CXCL12: variants seen among roughly 807,000 people sequenced by gnomAD.
CXCL12 encodes C-X-C motif chemokine ligand 12.
Under a neutral mutation model 10.7 loss-of-function variants are expected in CXCL12, and 4 were observed. The observed-to-expected ratio is 0.37, with a 90% CI of 0.18 to 0.86. The LOEUF (loss-of-function observed/expected upper bound fraction) is 0.86, where lower values mean the gene tolerates loss of function less well. CXCL12 is among the 40% of genes least tolerant of loss of function. The pLI is 0.43. For synonymous variants in CXCL12, 54 were observed against 45.4 expected (o/e 1.19, Z -0.77); for missense variants, 122 against 110.4 (o/e 1.10, Z -0.47).
Position 44,377,998 on chromosome 10 carries a change from C to T in CXCL12, c.*635G>A. 6.6e-7 allele frequency: 1 copy of T among 1,507,412 alleles called. No individual in the cohort carries two copies. Among genetic ancestry groups the T allele is most frequent in the African/African-American group, 1.4e-5 (1 of 71,052 alleles). 93.4% of individuals were successfully genotyped at this position (1,507,412 alleles called of 1,614,324 possible). Reference sequence around the variant, plus strand: ...TGGGAGAGGGGTCTCTGAGCACAGTCCCAGTAATAGTGGCTTCTACATGGA... The same window carrying T: ...TGGGAGAGGGGTCTCTGAGCACAGTTCCAGTAATAGTGGCTTCTACATGGA... On this transcript the variant is annotated 3_prime_UTR_variant, in exon 3 of 3. Transcript: ENST00000343575.
At chr10:44,375,921 T>A (rs1195744023), downstream of CXCL12, 3 of 1,611,182 alleles carry the variant, frequency 1.9e-6, no homozygotes, top group Non-Finnish European at 2.5e-6. Context: ...CTGTGGTCCA[T>A]CTCGAGGTGG....
chr10:44,384,925 TC>T lies in CXCL12; in HGVS notation c.61+19del. 1 of 1,318,304 alleles carries T rather than the reference TC, an allele frequency of 7.6e-7. No individual in the cohort carries two copies. The highest frequency in any genetic ancestry group is 2.2e-5 in the Admixed American group (1 of 44,576). The allele number at this position is 1,318,304 out of a possible 1,614,324, so 81.7% of individuals were successfully genotyped here. On this transcript the variant is annotated intron_variant, in intron 1 of 2. Coordinates refer to ENST00000343575, the MANE Select transcript of CXCL12 (RefSeq NM_199168.4). The stretch of plus-strand genomic sequence containing the variant: ...CGAAGCCCAGAGCCTCGCCAGGGCC[TC>T]CCCGCCGAGCGCACTTACCGTCGCT...
intron 1 of CXCL12, among the ~76,000 whole-genome samples, chr10:44,381,406 C>T (rs920101848): frequency 2.0e-5 from 3 of 152,144 alleles, no homozygotes; most frequent in Non-Finnish European, 4.4e-5. Context: ...AGAGACCCCT[C>T]CTCACATTCA....
At chr10:44,372,892 G>A (rs1413585285), downstream of CXCL12, 1 of 1,535,540 alleles carries the variant, frequency 6.5e-7, no homozygotes, top group African/African-American at 1.4e-5. Context: ...CCTTCACTAG[G>A]CTTTGCCCAG....
Position 44,378,165 on chromosome 10 carries a change from A to T in CXCL12, c.*468T>A, listed in dbSNP as rs1839515261. On this transcript the variant is annotated 3_prime_UTR_variant, in exon 3 of 3. Coordinates refer to ENST00000343575, the MANE Select transcript of CXCL12 (RefSeq NM_199168.4). The stretch of plus-strand genomic sequence containing the variant: ...GAGCCTCAGTGTCTGAAGAAAGGAC[A>T]CTTTTTCCAGCTCCCTGTTAAGCCA... 1.4e-6 allele frequency: 2 copies of T among 1,420,650 alleles called. No homozygotes were observed. Among genetic ancestry groups the T allele is most frequent in the Middle Eastern group, 1.8e-4 (1 of 5,446 alleles). The allele number at this position is 1,420,650 out of a possible 1,614,324, so 88.0% of individuals were successfully genotyped here.
Position 44,378,570 on chromosome 10 carries a change from C to A in CXCL12, c.*63G>T. 6.2e-7 allele frequency: 1 copy of A among 1,611,040 alleles called. No individual in the cohort carries two copies. The highest frequency in any genetic ancestry group is 8.5e-7 in the Non-Finnish European group (1 of 1,177,962). ...CTCCCCCACGTCTTTGCCCTTTCAT[C>A]TCTCACAAGGTTTTAGTTTTCCTCG... On this transcript the variant is annotated 3_prime_UTR_variant, in exon 3 of 3. Transcript: ENST00000343575.
intron 1 of CXCL12, among the ~76,000 whole-genome samples, chr10:44,383,523 A>G (rs943688748): frequency 8.7e-5 from 13 of 149,222 alleles, no homozygotes; most frequent in African/African-American, 3.0e-4. Flanking sequence ...CATCCCACCA[A>G]TCAGTCAATA....
intron 1 of CXCL12, among the ~76,000 whole-genome samples, chr10:44,382,526 C>T (rs1839663883): frequency 6.6e-6 from 1 of 152,106 alleles, no homozygotes; most frequent in Non-Finnish European, 1.5e-5. Context: ...TGAAGATATG[C>T]AGCCAAGGGC....
chr10:44,377,799 G>A lies in CXCL12; in HGVS notation c.*834C>T, dbSNP rs200184810. ...CTCCATTCTGGAGGAGGCCAAAGAC[G>A]GATCTCACAGAGGGCCCGAGCTGTG... On this transcript the variant is annotated 3_prime_UTR_variant, in exon 3 of 3. Transcript: ENST00000343575. The A allele has an allele frequency of 1.5e-4, 243 of 1,598,068 alleles. No homozygotes were observed. Among genetic ancestry groups the A allele is most frequent in the East Asian group, 5.1e-4 (23 of 44,878 alleles).
At chr10:44,374,878 G>T, downstream of CXCL12, 1 of 362,592 alleles carries the variant, frequency 2.8e-6, no homozygotes, top group Non-Finnish European at 5.4e-6. Flanking sequence ...ACTGAAATGG[G>T]GTCCTTGCTC....
chr10:44,373,474 C>G (rs544523746), downstream of CXCL12: 201 of 784,990 alleles, frequency 2.6e-4, no homozygotes, highest in Admixed American at 6.5e-4. Flanking sequence ...CTTGGCCATG[C>G]ATCTCCCTTC....
chr10:44,371,136 A>T, downstream of CXCL12: 1 of 219,542 alleles, frequency 4.6e-6, no homozygotes, highest in Non-Finnish European at 9.3e-6. Context: ...CTGTATTTAA[A>T]TGCATATTGC....
In CXCL12 at chr10:44,378,207, A is replaced by G; in HGVS notation, c.*426T>C. 7.0e-7 allele frequency: 1 copy of G among 1,438,116 alleles called. No homozygotes were observed. The highest frequency in any genetic ancestry group is 9.2e-7 in the Non-Finnish European group (1 of 1,085,964). 89.1% of individuals were successfully genotyped at this position (1,438,116 alleles called of 1,614,324 possible). On this transcript the variant is annotated 3_prime_UTR_variant, in exon 3 of 3. Transcript: ENST00000343575. ...GTTAAGCCACCACCTGACTGTGCCC[A>G]GACTCCCCAGGGGAGCAGAGGAGAT...
chr10:44,384,898 G>T, intron 1 of CXCL12, 47 bp downstream of exon 1: 1 of 1,506,380 alleles, frequency 6.6e-7, no homozygotes, highest in East Asian at 2.6e-5. Flanking sequence ...CCGGGCGGGA[G>T]CCGAAGCCCA....
At chr10:44,382,322 G>C (rs1839656120) in intron 1 of CXCL12, among the ~76,000 whole-genome samples, 1 of 152,194 alleles carries the variant, frequency 6.6e-6, no homozygotes, top group Non-Finnish European at 1.5e-5. Context: ...AGATCACCTG[G>C]GAAAGCCACC....
chr10:44,385,018 C>A lies in CXCL12; in HGVS notation c.-13G>T. On this transcript the variant is annotated 5_prime_UTR_variant, in exon 1 of 3. Transcript: ENST00000343575. ...CCTTGGCGTTCATGGCGCGGGCGGG[C>A]GGGCGGGCGGGCGGACGAGCGCGGG... 3.7e-5 allele frequency: 3 copies of A among 81,286 alleles called. No homozygotes were observed. The highest frequency in any genetic ancestry group is 8.2e-5 in the South Asian group (1 of 12,232). The allele number at this position is 81,286 out of a possible 1,614,324, so 5.0% of individuals were successfully genotyped here. A position where few individuals can be genotyped will look rare whatever the true frequency, so the allele number is the denominator to read the frequency against.
In CXCL12 at chr10:44,378,119, T is replaced by C; in HGVS notation, c.*514A>G. On this transcript the variant is annotated 3_prime_UTR_variant, in exon 3 of 3. Coordinates refer to ENST00000343575, the MANE Select transcript of CXCL12 (RefSeq NM_199168.4). ...TCTGAGTGCCACAGAGGCCTTCCTC[T>C]TGGGAGGGGCGCTGCTGCGGGAGCC... 6.9e-7 allele frequency: 1 copy of C among 1,444,126 alleles called. No homozygotes were observed. The highest frequency in any genetic ancestry group is 9.1e-7 in the Non-Finnish European group (1 of 1,104,834). 89.5% of individuals were successfully genotyped at this position (1,444,126 alleles called of 1,614,324 possible).
At chr10:44,382,069 GCC>G (rs1427623802) in intron 1 of CXCL12, among the ~76,000 whole-genome samples, 1 of 152,114 alleles carries the variant, frequency 6.6e-6, no homozygotes, top group Admixed American at 6.5e-5. Context: ...TGTGTATTCA[GCC>G]ACCAAGTTGC....
chr10:44,373,030 C>T (rs1156612715), downstream of CXCL12: 2 of 1,535,928 alleles, frequency 1.3e-6, no homozygotes, highest in South Asian at 1.2e-5. Context: ...AACCCAGGAG[C>T]CCTGAGTCAG....
Sources: allele counts gnomAD v4.1 joint callset (sites outside exome capture counted in the v4.1 genomes callset), GRCh38; gene constraint gnomAD v4.1.1; transcripts MANE v1.5; gene names NCBI Gene and HGNC (gene_info 2026-07-23, HGNC 2026-07-21).